The following TTLL2 variants were observed in gnomAD, a reference collection of about 807,000 sequenced individuals.
TTLL2 encodes probable tubulin polyglutamylase TTLL2.
TTLL2 carries 10 observed loss-of-function variants against 7.5 expected under a neutral mutation model. The observed-to-expected ratio is 1.33, with a 90% CI of 0.82 to 2.25. The LOEUF is 2.25. TTLL2 is among the 30% of genes most tolerant of loss of function. TTLL2 has a pLI of 0.00. For missense variants in TTLL2, 733 were observed against 735.7 expected (o/e 1.00, Z 0.04); for synonymous variants, 284 against 280.3 (o/e 1.01, Z -0.13).
intron 1 of TTLL2, among the ~76,000 whole-genome samples, chr6:167,333,936 A>G (rs1778954171): frequency 7.2e-5 from 5 of 68,966 alleles, no homozygotes; most frequent in African/African-American, 3.5e-4. Context: ...TTGTGTCTCT[A>G]TTTCCTTCAG....
chr6:167,330,992 G>A (rs970103557), intron 1 of TTLL2, among the ~76,000 whole-genome samples: 14 of 152,182 alleles, frequency 9.2e-5, no homozygotes, highest in African/African-American at 2.9e-4. Flanking sequence ...GTCGCTCCCC[G>A]GGTGTGCTGG....
rs1223503769 is a variant in TTLL2, at chr6:167,340,436, C to T, written c.536C>T (p.Pro179Leu). 1 of 1,614,022 alleles carries T rather than the reference C, an allele frequency of 6.2e-7. No individual in the cohort carries two copies. The highest frequency in any genetic ancestry group is 8.5e-7 in the Non-Finnish European group (1 of 1,180,040). The change falls in exon 3 of 3, where the codon CCC (proline) becomes CTC (leucine). Residue 179 changes from proline to leucine, a missense_variant. Physicochemically the swap from Pro to Leu is moderately conservative, Grantham distance 98. Coordinates refer to ENST00000239587, the MANE Select transcript of TTLL2 (RefSeq NM_031949.5). ...MYGTSLYQFIPLTFVMPNDYT... is the reference protein window; with the variant it reads ...MYGTSLYQFILLTFVMPNDYT... ...GGCACTTCCCTGTACCAGTTCATCC[C>T]CCTGACGTTCGTCATGCCCAATGAC...
rs2115226408 is a variant in TTLL2 at position 167,340,613 on chromosome 6, T to C, written c.713T>C (p.Ile238Thr). The C allele has an allele frequency of 3.7e-6, 6 of 1,614,234 alleles. No individual in the cohort carries two copies. The highest frequency in any genetic ancestry group is 5.1e-6 in the Non-Finnish European group (6 of 1,180,048). Residue 238 changes from isoleucine (I) to threonine (T), a missense_variant, in exon 3 of 3, where the codon ATA becomes ACA. Coordinates refer to ENST00000239587, the MANE Select transcript of TTLL2 (RefSeq NM_031949.5). ...FKDFIFDDMY[I>T]VQKYISNPLL... The stretch of plus-strand genomic sequence containing the variant: ...GACTTCATCTTTGATGATATGTACA[T>C]AGTGCAGAAATATATCTCCAATCCT...
chr6:167,340,306 A>G lies in TTLL2; in HGVS notation c.406A>G (p.Asn136Asp). 3 of 1,614,154 alleles carry G rather than the reference A, an allele frequency of 1.9e-6. No individual in the cohort carries two copies. The South Asian group carries it at 3.3e-5, about 18-fold the overall frequency. ...ATCCTCTTTCCGAATGACCGAACACAACAGTGTTAAACCGTGGCAGCAGCT... is the reference window on the plus strand; with the variant it reads ...ATCCTCTTTCCGAATGACCGAACACGACAGTGTTAAACCGTGGCAGCAGCT... ...RTSSFRMTEH[N>D]SVKPWQQLNH... is the part of the protein sequence containing the mutation. Residue 136 changes from asparagine (N) to aspartate (D), a missense_variant, in exon 3 of 3, where the codon AAC becomes GAC. Coordinates refer to ENST00000239587, the MANE Select transcript of TTLL2 (RefSeq NM_031949.5).
At position 167,338,744 on chromosome 6, in the gene TTLL2, G is replaced by A; in HGVS notation, c.145G>A (p.Glu49Lys). Residue 49 changes from glutamate (E) to lysine (K), a missense_variant, in exon 2 of 3, where the codon GAA becomes AAA. Coordinates refer to ENST00000239587, the MANE Select transcript of TTLL2 (RefSeq NM_031949.5). ...PPAGLGARLQ[E>K]AGVSIPPRRG... ...TGCAGGCCTGGGAGCAAGGCTACAG[G>A]AAGCAGGTGTTTCCATCCCTCCCAG... 1 of 1,613,994 alleles carries A rather than the reference G, an allele frequency of 6.2e-7. No homozygotes were observed. The highest frequency in any genetic ancestry group is 8.5e-7 in the Non-Finnish European group (1 of 1,179,944).
chr6:167,338,119 A>G (rs1583112036), intron 1 of TTLL2, among the ~76,000 whole-genome samples: 1 of 151,902 alleles, frequency 6.6e-6, no homozygotes, highest in African/African-American at 2.4e-5. Flanking sequence ...CGACACACAT[A>G]CATGATACAT....
At chr6:167,338,065 A>G (rs1368885467) in intron 1 of TTLL2, among the ~76,000 whole-genome samples, 1 of 151,454 alleles carries the variant, frequency 6.6e-6, no homozygotes, top group African/African-American at 2.4e-5. Flanking sequence ...CACAACATAA[A>G]ACATACAAGC....
intron 2 of TTLL2, 72 bp from the exon 3 acceptor site, chr6:167,340,033 G>C (rs1270428307): frequency 1.3e-6 from 2 of 1,505,696 alleles, no homozygotes; most frequent in Non-Finnish European, 1.8e-6. Context: ...CGGGTGCACG[G>C]TTTCCTCAGA....
In TTLL2 at chr6:167,341,194, C is replaced by T; in HGVS notation, c.1294C>T (p.His432Tyr). 1.2e-6 allele frequency: 2 copies of T among 1,613,746 alleles called. No individual in the cohort carries two copies. The highest frequency in any genetic ancestry group is 8.5e-7 in the Non-Finnish European group (1 of 1,179,992). ...GGGGAGAGAAGCCAGTAATGCCACA[C>T]ATGGAAATTCCAACATCGACGCTGC... ...NEGREASNAT[H>Y]GNSNIDAAKS... The change falls in exon 3 of 3, where the codon CAT becomes TAT. Residue 432 changes from histidine to tyrosine, a missense_variant. Coordinates refer to ENST00000239587, the MANE Select transcript of TTLL2 (RefSeq NM_031949.5).
At chr6:167,333,863 A>G (rs1778952409) in intron 1 of TTLL2, among the ~76,000 whole-genome samples, 1 of 132,818 alleles carries the variant, frequency 7.5e-6, no homozygotes, top group Non-Finnish European at 1.6e-5. Flanking sequence ...CTAGCGGTCT[A>G]TCAATTTTGT....
Position 167,341,776 on chromosome 6 carries a change from A to G in TTLL2, c.*97A>G. The stretch of plus-strand genomic sequence containing the variant: ...AATAGTTCAAGTCCCTACCTGTGCC[A>G]CCAGCATGTTAACTATGACATTGGG... On this transcript the variant is annotated 3_prime_UTR_variant, in exon 3 of 3. Transcript: ENST00000239587. 1 of 1,317,388 alleles carries G rather than the reference A, an allele frequency of 7.6e-7. No individual in the cohort carries two copies. The highest frequency in any genetic ancestry group is 1.6e-5 in the South Asian group (1 of 64,118). 81.6% of individuals were successfully genotyped at this position (1,317,388 alleles called of 1,614,324 possible).
intron 1 of TTLL2, among the ~76,000 whole-genome samples, chr6:167,332,536 TG>T (rs1405211836): frequency 1.3e-5 from 2 of 151,472 alleles, no homozygotes; most frequent in East Asian, 3.9e-4. Context: ...TTGGGCAGTA[TG>T]GCCATTTTCA....
intron 1 of TTLL2, among the ~76,000 whole-genome samples, chr6:167,337,123 G>A (rs556937117): frequency 1.2e-4 from 19 of 152,202 alleles, no homozygotes; most frequent in Non-Finnish European, 2.8e-4. Context: ...CAAACCAACC[G>A]CTGGCTGTGG....
At chr6:167,336,892 G>A (rs1778989584) in intron 1 of TTLL2, among the ~76,000 whole-genome samples, 1 of 152,196 alleles carries the variant, frequency 6.6e-6, no homozygotes, top group South Asian at 2.1e-4. Context: ...CTGAAAAGAA[G>A]CATTTCCTCC....
rs766007003 is a variant in TTLL2 at position 167,342,066 on chromosome 6, C to T, written c.*387C>T. 2.1e-4 allele frequency: 34 copies of T among 162,414 alleles called. No individual in the cohort carries two copies. Among genetic ancestry groups the T allele is most frequent in the Non-Finnish European group, 3.3e-4 (25 of 75,148 alleles). 10.1% of individuals were successfully genotyped at this position (162,414 alleles called of 1,614,324 possible). ...CAGTACAAAAGAAGCCAGGAGTTAACTTTCTGTGTGTTTTTTTTTAAATCA... is the reference window on the plus strand; with the variant it reads ...CAGTACAAAAGAAGCCAGGAGTTAATTTTCTGTGTGTTTTTTTTTAAATCA... On this transcript the variant is annotated 3_prime_UTR_variant, in exon 3 of 3. Transcript: ENST00000239587.
chr6:167,340,912 G>T lies in TTLL2; in HGVS notation c.1012G>T (p.Asp338Tyr). 6.2e-7 allele frequency: 1 copy of T among 1,614,118 alleles called. No individual in the cohort carries two copies. ...FSYLRSWDVD[D>Y]LLLWKKIHRM... The stretch of plus-strand genomic sequence containing the variant: ...CTACCTTCGTAGCTGGGATGTGGAC[G>T]ATCTGCTTTTGTGGAAGAAAATCCA... Residue 338 changes from aspartate to tyrosine, a missense_variant, in exon 3 of 3, where the codon GAT becomes TAT. Physicochemically the swap from Asp to Tyr is radical, Grantham distance 160. Coordinates refer to ENST00000239587, the MANE Select transcript of TTLL2 (RefSeq NM_031949.5).
chr6:167,325,696 C>T (rs1778839699), intron 1 of TTLL2, among the ~76,000 whole-genome samples: 1 of 152,080 alleles, frequency 6.6e-6, no homozygotes, highest in Non-Finnish European at 1.5e-5. Context: ...TAATTCAGGG[C>T]CGAGCAGAAT....
rs569541526 is a variant in TTLL2, at chr6:167,336,947, G to A, written c.48-1700G>A. On this transcript the variant is annotated intron_variant, in intron 1 of 2. Transcript: ENST00000239587. ...GGGCTCCTCCCCACCTCTGTCCCCCGCCCTGGGATGATGGCCAATCAGGCC... is the reference window on the plus strand; with the variant it reads ...GGGCTCCTCCCCACCTCTGTCCCCCACCCTGGGATGATGGCCAATCAGGCC... Among the ~76,000 whole-genome samples, 12 of 152,122 alleles carry A rather than the reference G, an allele frequency of 7.9e-5. No homozygotes were observed. The East Asian group carries it at 1.9e-3, about 25-fold the overall frequency.
chr6:167,325,660 G>C (rs1028827185), intron 1 of TTLL2, among the ~76,000 whole-genome samples: 2 of 152,272 alleles, frequency 1.3e-5, no homozygotes, highest in Middle Eastern at 3.4e-3. Flanking sequence ...GACGGAACTG[G>C]ATCATCTATG....
Sources: allele counts gnomAD v4.1 joint callset (sites outside exome capture counted in the v4.1 genomes callset), GRCh38; gene constraint gnomAD v4.1.1; transcripts MANE v1.5; gene names NCBI Gene and HGNC (gene_info 2026-07-23, HGNC 2026-07-21).